TG: variants seen among roughly 807,000 people sequenced by gnomAD.
The protein encoded by TG is thyroglobulin.
A neutral mutation model predicts 324.7 loss-of-function variants in TG; 270 were observed. That is an observed-to-expected ratio of 0.83 (90% CI 0.75 to 0.92). The LOEUF (loss-of-function observed/expected upper bound fraction) is 0.92, where lower values mean the gene tolerates loss of function less well. Among genes scored for constraint, TG ranks in the 40% least tolerant of loss-of-function variants. The pLI is 0.00. For missense variants in TG, 3,591 were observed against 3,456.4 expected, an observed-to-expected ratio of 1.04 and a Z score of -0.98; for synonymous variants, 1,401 against 1,327.0, an observed-to-expected ratio of 1.06 and a Z score of -1.21.
intron 34 of TG, among the ~76,000 whole-genome samples, chr8:132,973,455 A>G (rs1348481393): frequency 6.6e-6 from 1 of 152,162 alleles, no homozygotes; most frequent in Non-Finnish European, 1.5e-5. Flanking sequence ...TCAATTTGAA[A>G]TTGATGAAGG....
intron 41 of TG, among the ~76,000 whole-genome samples, chr8:133,093,518 T>G (rs1182705122): frequency 6.6e-6 from 1 of 152,158 alleles, no homozygotes; most frequent in Non-Finnish European, 1.5e-5. Context: ...CTGGAGTCTA[T>G]GGACCTAGTT....
chr8:133,121,496 G>A (rs1851138015), intron 45 of TG, among the ~76,000 whole-genome samples: 1 of 152,208 alleles, frequency 6.6e-6, no homozygotes, highest in Non-Finnish European at 1.5e-5. Flanking sequence ...AGAGGAAAGA[G>A]ACACGCAGAT....
chr8:133,045,168 C>A, intron 41 of TG: 1 of 1,604,408 alleles, frequency 6.2e-7, no homozygotes. Context: ...CACCCCAAGG[C>A]ACCCAGCTAA....
At chr8:133,064,952 C>T (rs1842851581) in intron 41 of TG, among the ~76,000 whole-genome samples, 2 of 152,142 alleles carry the variant, frequency 1.3e-5, no homozygotes, top group Non-Finnish European at 1.5e-5. Flanking sequence ...GAAGGCAGGT[C>T]ATAAAGCCAG....
chr8:133,117,078 AGC>A (rs1850758426), intron 45 of TG, among the ~76,000 whole-genome samples: 1 of 152,216 alleles, frequency 6.6e-6, no homozygotes, highest in African/African-American at 2.4e-5. Context: ...TTTTCTTTTC[AGC>A]CAAATGAAAG....
intron 27 of TG, among the ~76,000 whole-genome samples, chr8:132,956,311 C>T (rs149628498): frequency 9.2e-5 from 14 of 152,298 alleles, no homozygotes; most frequent in African/African-American, 3.4e-4. Context: ...TGAACACCAG[C>T]TCTGTGCCAA....
Position 133,018,942 on chromosome 8 carries a change from G to C in TG, c.6783-660G>C, listed in dbSNP as rs7835552. On this transcript the variant is annotated intron_variant, in intron 38 of 47. Transcript: ENST00000220616. ...AGTGGAAAGGCATGGATTTCCATCTGCTCCACTGCTGGGAAACAAAAATAA... is the reference window on the plus strand; with the variant it reads ...AGTGGAAAGGCATGGATTTCCATCTCCTCCACTGCTGGGAAACAAAAATAA... Among the ~76,000 whole-genome samples the C allele has an allele frequency of 3.6e-3, 545 of 152,326 alleles. 5 individuals carry two copies. The highest frequency in any genetic ancestry group is 0.012 in the African/African-American group (517 of 41,576).
chr8:132,994,544 AT>A (rs1832687869), intron 35 of TG, among the ~76,000 whole-genome samples: 1 of 152,198 alleles, frequency 6.6e-6, no homozygotes, highest in East Asian at 1.9e-4. Context: ...TTAATCACTG[AT>A]TAAAAAGAGT....
At chr8:132,955,883 G>A (rs949430047) in intron 27 of TG, among the ~76,000 whole-genome samples, 19 of 152,244 alleles carry the variant, frequency 1.2e-4, no homozygotes, top group Admixed American at 1.2e-3. Flanking sequence ...AGCAATGCTG[G>A]AGAATGGGCT....
At position 133,095,053 on chromosome 8, in the gene TG, G is replaced by A. The variant is rs139465983; in HGVS notation, c.7249G>A (p.Ala2417Thr). The change falls in exon 42 of 48, where the codon GCA becomes ACA. Residue 2417 changes from alanine to threonine, a missense_variant. Ala to Thr is a moderately conservative substitution (Grantham distance 58). Transcript: ENST00000220616. ...CTGCTTTCTCTTCCAGGGAGGCTCC[G>A]CACTCTCCCCGGCCGCCGTCATCAG... ...FRRAVLMGGS[A>T]LSPAAVISHE... 3.4e-5 allele frequency: 55 copies of A among 1,613,598 alleles called. No homozygotes were observed. Among genetic ancestry groups the A allele is most frequent in the Admixed American group, 1.7e-4 (10 of 60,026 alleles).
chr8:132,932,469 T>C (rs1425543473), intron 23 of TG, among the ~76,000 whole-genome samples: 3 of 152,228 alleles, frequency 2.0e-5, no homozygotes, highest in Non-Finnish European at 4.4e-5. Context: ...CTGTGCTGAT[T>C]TTTAGTCTTG....
intron 41 of TG, chr8:133,051,055 A>T: frequency 1.6e-6 from 1 of 622,050 alleles, no homozygotes; most frequent in Non-Finnish European, 2.9e-6. Context: ...ACCAATTTAC[A>T]GCAAGGTCCT....
At chr8:132,958,232 T>C (rs1483356993) in intron 27 of TG, among the ~76,000 whole-genome samples, 1 of 152,248 alleles carries the variant, frequency 6.6e-6, no homozygotes, top group Non-Finnish European at 1.5e-5. Flanking sequence ...AGAATTATAA[T>C]GCATGACCAA....
In TG at chr8:132,893,874, C is replaced by A. The variant is rs769346188; in HGVS notation, c.2946C>A (p.Phe982Leu). The change falls in exon 11 of 48, where the codon TTC (phenylalanine) becomes TTA (leucine). Residue 982 changes from phenylalanine to leucine, a missense_variant. Phe to Leu is a conservative substitution (Grantham distance 22). Transcript: ENST00000220616. ...CGCTCTTCCCGCCCCGGGAGGCTTT[C>A]GCGGAGCAGTTTCTGCGTGGGAGTG... ...LPPLFPPREA[F>L]AEQFLRGSDY... is the part of the protein sequence containing the mutation. 6.2e-7 allele frequency: 1 copy of A among 1,614,036 alleles called. No homozygotes were observed. Among genetic ancestry groups the A allele is most frequent in the Non-Finnish European group, 8.5e-7 (1 of 1,179,948 alleles).
At chr8:132,997,411 A>G (rs1287100703) in intron 35 of TG, among the ~76,000 whole-genome samples, 2 of 152,182 alleles carry the variant, frequency 1.3e-5, no homozygotes, top group African/African-American at 2.4e-5. Flanking sequence ...TTTGGTGGTC[A>G]TTAGCATGTC....
chr8:133,130,305 G>T (rs112072530), intron 45 of TG, among the ~76,000 whole-genome samples: 4 of 152,178 alleles, frequency 2.6e-5, no homozygotes, highest in Non-Finnish European at 5.9e-5. Flanking sequence ...TTATACCCCC[G>T]CAAAATGTCC....
Position 132,913,373 on chromosome 8 carries a change from C to T in TG, c.4378+108C>T, listed in dbSNP as rs1053805205. 5 of 1,175,904 alleles carry T rather than the reference C, an allele frequency of 4.3e-6. No homozygotes were observed. The African/African-American group carries it at 7.6e-5, about 18-fold the overall frequency. 72.8% of individuals were successfully genotyped at this position (1,175,904 alleles called of 1,614,324 possible). On this transcript the variant is annotated intron_variant, in intron 20 of 47. Transcript: ENST00000220616. Reference sequence around the variant, plus strand: ...ACTCTGGACATCCAGGGCTGAGAACCATCCATTTAGTTAACGAGCAAAAGT... The same window carrying T: ...ACTCTGGACATCCAGGGCTGAGAACTATCCATTTAGTTAACGAGCAAAAGT...
chr8:133,128,339 A>AGG (rs1851688922), intron 45 of TG, among the ~76,000 whole-genome samples: 744 of 52,618 alleles, frequency 0.014, 10 homozygotes, highest in African/African-American at 0.09. Flanking sequence ...AAAGGCGTGC[A>AGG]CACACACACA....
intron 41 of TG, chr8:133,063,547 A>T (rs907757893): frequency 6.6e-6 from 1 of 151,304 alleles, no homozygotes; most frequent in Non-Finnish European, 1.5e-5. Context: ...TTGAGATTGG[A>T]GAAATGAGGT....
Sources: gnomAD v4.1 joint callset for allele counts (sites outside exome capture counted in the v4.1 genomes callset) on GRCh38, gnomAD v4.1.1 for gene constraint, MANE v1.5 for transcripts, NCBI Gene and HGNC (gene_info 2026-07-23, HGNC 2026-07-21) for gene names.